The following EIF4G3 variants were observed in gnomAD, a reference collection of about 807,000 sequenced individuals.
EIF4G3 encodes the protein eIF-4-gamma 3.
Under a neutral mutation model 186.4 loss-of-function variants are expected in EIF4G3, and 34 were observed. The observed-to-expected ratio is 0.18, with a 90% CI of 0.14 to 0.24. The LOEUF (loss-of-function observed/expected upper bound fraction) is 0.24. Among genes scored for constraint, EIF4G3 ranks in the 10% least tolerant of loss-of-function variants. EIF4G3 has a pLI of 1.00. For synonymous variants in EIF4G3, 673 were observed against 679.5 expected, an observed-to-expected ratio of 0.99 and a Z score of 0.15; for missense variants, 1,536 against 1,948.5, an observed-to-expected ratio of 0.79 and a Z score of 3.99.
In EIF4G3 at chr1:20,951,834, C is replaced by T. The variant is rs534126029; in HGVS notation, c.715-1723G>A. Among the ~76,000 whole-genome samples the T allele has an allele frequency of 1.2e-4, 18 of 152,162 alleles. No individual in the cohort carries two copies. The East Asian group carries it at 3.5e-3, about 29-fold the overall frequency. ...GTAAGATGTTTAAGACAGTAAAAGGCTACTAGAGTCAATGATTTTTCCATC... is the reference window on the plus strand; with the variant it reads ...GTAAGATGTTTAAGACAGTAAAAGGTTACTAGAGTCAATGATTTTTCCATC... On this transcript the variant is annotated intron_variant, in intron 12 of 36. Coordinates refer to ENST00000602326, the MANE Select transcript of EIF4G3 (RefSeq NM_001391906.1).
intron 2 of EIF4G3, among the ~76,000 whole-genome samples, chr1:21,108,388 T>C (rs2096655027): frequency 6.6e-6 from 1 of 152,104 alleles, no homozygotes; most frequent in Non-Finnish European, 1.5e-5. Context: ...ACTACTTCTA[T>C]TGTCTTTTCA....
chr1:20,959,534 A>C (rs1278138878), intron 12 of EIF4G3, among the ~76,000 whole-genome samples: 1 of 151,926 alleles, frequency 6.6e-6, no homozygotes, highest in East Asian at 1.9e-4. Context: ...AAATAAATAG[A>C]ACCTAATTAA....
At chr1:21,025,171 A>G (rs900761278) in intron 4 of EIF4G3, among the ~76,000 whole-genome samples, 3 of 152,196 alleles carry the variant, frequency 2.0e-5, no homozygotes, top group African/African-American at 7.2e-5. Flanking sequence ...ATGCCAGAGA[A>G]TAGAAGTGCA....
intron 4 of EIF4G3, among the ~76,000 whole-genome samples, 197 bp from the exon 5 acceptor site, chr1:21,003,005 T>TA (rs397826733): frequency 4.0e-5 from 6 of 149,964 alleles, no homozygotes; most frequent in Admixed American, 1.3e-4. Context: ...TTTTTTTTTT[T>TA]AAATTAATGA....
At chr1:20,950,842 G>A (rs1298929221) in intron 12 of EIF4G3, among the ~76,000 whole-genome samples, 1 of 152,098 alleles carries the variant, frequency 6.6e-6, no homozygotes, top group Non-Finnish European at 1.5e-5. Flanking sequence ...CACAGCTATT[G>A]CTCAACTTAG....
At chr1:21,070,389 CA>C (rs2095407546) in intron 3 of EIF4G3, among the ~76,000 whole-genome samples, 1 of 152,148 alleles carries the variant, frequency 6.6e-6, no homozygotes, top group African/African-American at 2.4e-5. Flanking sequence ...CACATTATTA[CA>C]AACCTTTCTA....
chr1:20,838,801 C>T (rs2067538646), intron 30 of EIF4G3, among the ~76,000 whole-genome samples: 1 of 152,084 alleles, frequency 6.6e-6, no homozygotes, highest in African/African-American at 2.4e-5. Context: ...CTCAACCTCC[C>T]AAGTAGCTGG....
At chr1:20,987,957 C>A (rs1370143755) in intron 7 of EIF4G3, among the ~76,000 whole-genome samples, 1 of 152,186 alleles carries the variant, frequency 6.6e-6, no homozygotes, top group East Asian at 1.9e-4. Flanking sequence ...AAGTGCTACT[C>A]CAGTGAACAC....
At chr1:20,821,609 A>T (rs1164734539) in intron 33 of EIF4G3, among the ~76,000 whole-genome samples, 2 of 150,486 alleles carry the variant, frequency 1.3e-5, no homozygotes, top group East Asian at 3.9e-4. Flanking sequence ...TTATGTATAC[A>T]TCACCATCTT....
chr1:20,989,533 G>C (rs1427832574), intron 7 of EIF4G3, among the ~76,000 whole-genome samples: 2 of 127,084 alleles, frequency 1.6e-5, no homozygotes, highest in African/African-American at 6.4e-5. Flanking sequence ...CTGCAGCCTG[G>C]ATAACAAGAG....
chr1:20,886,959 C>A (rs763625746), intron 18 of EIF4G3, among the ~76,000 whole-genome samples: 2 of 152,098 alleles, frequency 1.3e-5, no homozygotes, highest in Non-Finnish European at 2.9e-5. Context: ...TCCCACTATA[C>A]CCTTATGTTA....
At chr1:20,845,534 C>T (rs909421328) in intron 29 of EIF4G3, among the ~76,000 whole-genome samples, 12 of 151,876 alleles carry the variant, frequency 7.9e-5, no homozygotes, top group Non-Finnish European at 1.0e-4. Flanking sequence ...TGGTGGCGGG[C>T]GCCTGTAGTC....
Position 20,941,718 on chromosome 1 carries a change from G to A in EIF4G3, c.1436C>T (p.Ala479Val). ...AATGACTGGAGTGTGAGGAGGAGAA[G>A]CTGGAGGAGTTGGAGGAGTTGGAGG... ...SFPPTPPTPP[A>V]SPPHTPVIVP... Residue 479 changes from alanine (A) to valine (V), a missense_variant, in exon 14 of 37, where the codon GCT (alanine) becomes GTT (valine). This residue lies in a region of EIF4G3 where 560 missense variants were observed against 547.8 expected (regional missense o/e 1.02). Coordinates refer to ENST00000602326, the MANE Select transcript of EIF4G3 (RefSeq NM_001391906.1). 1 of 1,612,076 alleles carries A rather than the reference G, an allele frequency of 6.2e-7. No homozygotes were observed. The highest frequency in any genetic ancestry group is 1.7e-4 in the Middle Eastern group (1 of 6,040).
intron 2 of EIF4G3, among the ~76,000 whole-genome samples, chr1:21,156,997 G>A (rs182627459): frequency 1.9e-4 from 29 of 152,248 alleles, no homozygotes; most frequent in Admixed American, 8.5e-4. Flanking sequence ...GGTCGAGGCT[G>A]CAGTGAGCCA....
At chr1:20,997,727 G>A (rs2082598814) in intron 6 of EIF4G3, 94 bp from the exon 7 acceptor site, 1 of 947,070 alleles carries the variant, frequency 1.1e-6, no homozygotes, top group South Asian at 1.9e-5. Flanking sequence ...TATGCCAAAA[G>A]AAAAAAAACC....
At chr1:20,962,315 A>G (rs1242966339) in intron 12 of EIF4G3, among the ~76,000 whole-genome samples, 1 of 152,190 alleles carries the variant, frequency 6.6e-6, no homozygotes, top group Non-Finnish European at 1.5e-5. Context: ...TGTTTTATAT[A>G]TTATATACTA....
chr1:20,931,597 C>T (rs1200619207), intron 14 of EIF4G3, among the ~76,000 whole-genome samples: 1 of 152,108 alleles, frequency 6.6e-6, no homozygotes, highest in African/African-American at 2.4e-5. Flanking sequence ...GCTTTAATGC[C>T]AGGTATTGAC....
intron 2 of EIF4G3, among the ~76,000 whole-genome samples, chr1:21,115,932 C>T (rs1304661198): frequency 2.6e-5 from 4 of 151,874 alleles, no homozygotes; most frequent in East Asian, 3.9e-4. Context: ...TCTTGTTACC[C>T]GGGTTGGTCT....
intron 2 of EIF4G3, among the ~76,000 whole-genome samples, chr1:21,156,260 G>A (rs2097659796): frequency 6.6e-6 from 1 of 152,062 alleles, no homozygotes; most frequent in Non-Finnish European, 1.5e-5. Context: ...TTTAAAGGTT[G>A]TGCTGCGTTG....
Sources: allele counts gnomAD v4.1 joint callset (sites outside exome capture counted in the v4.1 genomes callset), GRCh38; gene constraint gnomAD v4.1.1; regional missense constraint gnomAD v4.1.1; transcripts MANE v1.5; gene names NCBI Gene and HGNC (gene_info 2026-07-23, HGNC 2026-07-21).